The following VCP variants were observed in gnomAD, a reference collection of about 807,000 sequenced individuals.
VCP encodes the protein valosin containing protein, also known as transitional endoplasmic reticulum ATPase.
A neutral mutation model predicts 85.7 loss-of-function variants in VCP; 6 were observed. That is an observed-to-expected ratio of 0.07 (90% CI 0.04 to 0.14). The LOEUF (loss-of-function observed/expected upper bound fraction) is 0.14. VCP is among the 10% of genes least tolerant of loss of function. VCP has a pLI of 1.00. For missense variants in VCP, 353 were observed against 1,043.4 expected (o/e 0.34, Z 9.12); for synonymous variants, 384 against 367.1 (o/e 1.05, Z -0.53).
intron 1 of VCP, among the ~76,000 whole-genome samples, chr9:35,070,117 C>A (rs1011868098): frequency 1.3e-5 from 2 of 152,204 alleles, no homozygotes; most frequent in Non-Finnish European, 1.5e-5. Context: ...CTTCTGCTAA[C>A]CCTCACACAT....
In VCP at chr9:35,059,147, G is replaced by A. The variant is rs1490390928; in HGVS notation, c.2077C>T (p.Arg693Cys). 3 of 1,614,072 alleles carry A rather than the reference G, an allele frequency of 1.9e-6. No individual in the cohort carries two copies. Among genetic ancestry groups the A allele is most frequent in the Non-Finnish European group, 2.5e-6 (3 of 1,180,018 alleles). ...SGADLTEICQ[R>C]ACKLAIRESI... ...TCACGGATGGCCAGCTTGCAAGCAC[G>A]CTGGCAAATCTCTGTCAGGTCAGCT... Residue 693 changes from arginine to cysteine, a missense_variant, in exon 15 of 17, where the codon CGT becomes TGT. This residue lies in a region of VCP where 93 missense variants were observed against 197.1 expected (regional missense o/e 0.47). Coordinates refer to ENST00000358901, the MANE Select transcript of VCP (RefSeq NM_007126.5). This position sits in a 1 kb window ranked among gnomAD's most constrained non-coding sequence, Gnocchi z 4.9.
intron 4 of VCP, 145 bp from the exon 5 acceptor site, chr9:35,065,526 C>A (rs1316505807): frequency 1.3e-5 from 14 of 1,076,334 alleles, no homozygotes; most frequent in East Asian, 7.8e-5. Context: ...AACTCCACCC[C>A]ACCTGTCTTA....
chr9:35,063,987 G>C (rs1422674747), intron 6 of VCP, among the ~76,000 whole-genome samples, 167 bp downstream of exon 6: 1 of 152,224 alleles, frequency 6.6e-6, no homozygotes, highest in Non-Finnish European at 1.5e-5. Context: ...TAGACCATCA[G>C]CTCTAATGAA....
At position 35,072,618 on chromosome 9, in the gene VCP, C is replaced by T. The variant is rs1587136208; in HGVS notation, c.-265G>A. Reference sequence around the variant, plus strand: ...TCAAACGACGGTCGCAGACGCTTCGCTGAGACTGAGCCGAGAAGAGCCGAA... The same window carrying T: ...TCAAACGACGGTCGCAGACGCTTCGTTGAGACTGAGCCGAGAAGAGCCGAA... On this transcript the variant is annotated 5_prime_UTR_variant, in exon 1 of 17. Coordinates refer to ENST00000358901, the MANE Select transcript of VCP (RefSeq NM_007126.5). 4.3e-6 allele frequency: 2 copies of T among 467,814 alleles called. No homozygotes were observed. Among genetic ancestry groups the T allele is most frequent in the South Asian group, 6.7e-5 (2 of 29,802 alleles). 29.0% of individuals were successfully genotyped at this position (467,814 alleles called of 1,614,324 possible).
intron 12 of VCP, 115 bp downstream of exon 12, chr9:35,060,686 G>A: frequency 1.3e-6 from 2 of 1,586,152 alleles, no homozygotes; most frequent in South Asian, 2.2e-5. Context: ...AAGAACAGTA[G>A]GTTCCTAAGT....
At chr9:35,060,162 T>C in intron 13 of VCP, 151 bp downstream of exon 13, 1 of 860,062 alleles carries the variant, frequency 1.2e-6, no homozygotes. Context: ...AAAATAACAC[T>C]AGGTCTCTCA....
chr9:35,067,177 A>T (rs1224575388), intron 3 of VCP, among the ~76,000 whole-genome samples: 1 of 152,212 alleles, frequency 6.6e-6, no homozygotes, highest in East Asian at 1.9e-4. Flanking sequence ...GAAAAAAACA[A>T]AATTATCTCA....
Position 35,068,068 on chromosome 9 carries a change from G to A in VCP, c.130-5C>T, listed in dbSNP as rs1439564200. On this transcript the variant is annotated splice_region_variant and splice_polypyrimidine_tract_variant and intron_variant, in intron 2 of 16. Coordinates refer to ENST00000358901, the MANE Select transcript of VCP (RefSeq NM_007126.5). Reference sequence around the variant, plus strand: ...CTGCAATTCATCCATCTTGGGCTGAGGAAAGAAAGTTAAGGCCTTTGGGTC... The same window carrying A: ...CTGCAATTCATCCATCTTGGGCTGAAGAAAGAAAGTTAAGGCCTTTGGGTC... 6.2e-7 allele frequency: 1 copy of A among 1,614,212 alleles called. No individual in the cohort carries two copies. The highest frequency in any genetic ancestry group is 8.5e-7 in the Non-Finnish European group (1 of 1,180,050).
Position 35,072,409 on chromosome 9 carries a change from C to A in VCP, c.-56G>T. ...GCGGCCCGCGGGTAACGGCTACGAGCGGTGGCAAGCGACCGACTGGGCCGG... is the reference window on the plus strand; with the variant it reads ...GCGGCCCGCGGGTAACGGCTACGAGAGGTGGCAAGCGACCGACTGGGCCGG... On this transcript the variant is annotated 5_prime_UTR_variant, in exon 1 of 17. Transcript: ENST00000358901. 2.1e-6 allele frequency: 3 copies of A among 1,456,802 alleles called. No homozygotes were observed. The highest frequency in any genetic ancestry group is 1.3e-5 in the South Asian group (1 of 75,020). The allele number at this position is 1,456,802 out of a possible 1,614,324, so 90.2% of individuals were successfully genotyped here.
intron 6 of VCP, 31 bp downstream of exon 6, chr9:35,064,123 T>C (rs748535238): frequency 1.2e-6 from 2 of 1,613,952 alleles, no homozygotes; most frequent in East Asian, 2.2e-5. Flanking sequence ...GGCACCACTT[T>C]AGACTTGATT....
chr9:35,062,017 G>C lies in VCP; in HGVS notation c.1067C>G (p.Ala356Gly). The C allele has an allele frequency of 6.2e-7, 1 of 1,614,208 alleles. No individual in the cohort carries two copies. The highest frequency in any genetic ancestry group is 8.5e-7 in the Non-Finnish European group (1 of 1,180,034). ...ATNRPNSIDP[A>G]LRRFGRFDRE... is the part of the protein sequence containing the mutation. ...GGAGTCCTTACCAAATCGCCGTAGA[G>C]CTGGGTCAATGCTGTTGGGTCTGTT... Residue 356 changes from alanine to glycine, a missense_variant, in exon 9 of 17, where the codon GCT becomes GGT. Ala to Gly is a moderately conservative substitution (Grantham distance 60, BLOSUM62 0). Around this residue, in one of 8 missense-constraint regions of VCP, gnomAD observed 85 missense variants for 345.2 expected, o/e 0.25. Transcript: ENST00000358901.
intron 3 of VCP, among the ~76,000 whole-genome samples, chr9:35,067,024 C>G (rs961752878): frequency 6.6e-6 from 1 of 152,160 alleles, no homozygotes; most frequent in African/African-American, 2.4e-5. Flanking sequence ...AAATCAAGAG[C>G]CACACATTTA....
chr9:35,071,452 G>A (rs540593608), intron 1 of VCP, among the ~76,000 whole-genome samples: 1 of 152,034 alleles, frequency 6.6e-6, no homozygotes, highest in East Asian at 1.9e-4. Context: ...AGCTGGTTGG[G>A]GAAAGGAGTG....
rs1587121464 is a variant in VCP, at chr9:35,060,673, C to T, written c.1482+128G>A. On this transcript the variant is annotated intron_variant, in intron 12 of 16. Coordinates refer to ENST00000358901, the MANE Select transcript of VCP (RefSeq NM_007126.5). Reference sequence around the variant, plus strand: ...GAAGAAGACTCCTTAGTGCCTCAAACCTAAGAACAGTAGGTTCCTAAGTCG... The same window carrying T: ...GAAGAAGACTCCTTAGTGCCTCAAATCTAAGAACAGTAGGTTCCTAAGTCG... 39 of 1,573,624 alleles carry T rather than the reference C, an allele frequency of 2.5e-5. No homozygotes were observed. In the East Asian group the frequency reaches 8.5e-4, roughly 34 times the overall value.
rs762436337 is a variant in VCP at position 35,059,900 on chromosome 9, A to C, written c.1696-99T>G. On this transcript the variant is annotated intron_variant, in intron 13 of 16. Coordinates refer to ENST00000358901, the MANE Select transcript of VCP (RefSeq NM_007126.5). The surrounding 1 kb of genome is among the most constrained non-coding windows in gnomAD (Gnocchi z 4.9). ...GTATTCCCAGCACTTTGGGAGGCCA[A>C]GGTGGGAGGATCACTTGAGGCCAGA... 193 of 1,483,798 alleles carry C rather than the reference A, an allele frequency of 1.3e-4. No homozygotes were observed. Among genetic ancestry groups the C allele is most frequent in the Non-Finnish European group, 1.8e-4 (188 of 1,070,594 alleles). The allele number at this position is 1,483,798 out of a possible 1,614,324, so 91.9% of individuals were successfully genotyped here.
At chr9:35,072,268 C>T (rs1828971823) in intron 1 of VCP, 69 bp downstream of exon 1, 2 of 1,478,670 alleles carry the variant, frequency 1.4e-6, no homozygotes, top group Non-Finnish European at 1.8e-6. Context: ...CAGGCCCCGC[C>T]GGGCCTACCC....
chr9:35,059,233 C>T lies in VCP; in HGVS notation c.2005-14G>A, dbSNP rs947139359. The T allele has an allele frequency of 6.2e-7, 1 of 1,614,174 alleles. No individual in the cohort carries two copies. Among genetic ancestry groups the T allele is most frequent in the Non-Finnish European group, 8.5e-7 (1 of 1,180,040 alleles). On this transcript the variant is annotated splice_polypyrimidine_tract_variant and intron_variant, in intron 14 of 16. Transcript: ENST00000358901. This position sits in a 1 kb window ranked among gnomAD's most constrained non-coding sequence, Gnocchi z 4.9. ...CAAGTCCACATCCTAAAAGCAGCAG[C>T]AGAGGTACCTTAGCATTTAGCCTCT...
In VCP at chr9:35,059,082, C is replaced by G; in HGVS notation, c.2142G>C (p.Gln714His). 6.2e-7 allele frequency: 1 copy of G among 1,614,086 alleles called. No individual in the cohort carries two copies. The highest frequency in any genetic ancestry group is 8.5e-7 in the Non-Finnish European group (1 of 1,180,036). Residue 714 changes from glutamine (Q) to histidine (H), a missense_variant, in exon 15 of 17, where the codon CAG (glutamine) becomes CAC (histidine). Physicochemically the swap from Gln to His is conservative, Grantham distance 24. This residue lies in a region of VCP where 93 missense variants were observed against 197.1 expected (regional missense o/e 0.47). Transcript: ENST00000358901. The surrounding 1 kb of genome is among the most constrained non-coding windows in gnomAD (Gnocchi z 4.9). ...GACTCACCATGGCTGATGGGTTTGTCTGCCTCTCTCGTTCTCGCCTAATCT... is the reference window on the plus strand; with the variant it reads ...GACTCACCATGGCTGATGGGTTTGTGTGCCTCTCTCGTTCTCGCCTAATCT... ...ESEIRRERERQTNPSAMEVEE... is the reference protein window; with the variant it reads ...ESEIRRERERHTNPSAMEVEE...
chr9:35,072,101 G>T, intron 1 of VCP: 1 of 1,345,640 alleles, frequency 7.4e-7, no homozygotes, highest in Non-Finnish European at 9.5e-7. Context: ...GCACGATCCG[G>T]CCCAGGCTCC....
Sources: allele counts gnomAD v4.1 joint callset (sites outside exome capture counted in the v4.1 genomes callset), GRCh38; gene constraint gnomAD v4.1.1; regional missense constraint gnomAD v4.1.1; non-coding constraint Gnocchi (gnomAD v3.1); transcripts MANE v1.5; gene names NCBI Gene and HGNC (gene_info 2026-07-23, HGNC 2026-07-21).